IGF2BP3: variants seen among roughly 807,000 people sequenced by gnomAD.
The protein encoded by IGF2BP3 is insulin like growth factor 2 mRNA binding protein 3.
IGF2BP3 carries 9 observed loss-of-function variants against 73.8 expected under a neutral mutation model. The observed-to-expected ratio is 0.12, with a 90% CI of 0.07 to 0.21. The LOEUF (loss-of-function observed/expected upper bound fraction) is 0.21. IGF2BP3 is among the 10% of genes least tolerant of loss of function. The pLI is 1.00. For missense variants in IGF2BP3, 542 were observed against 714.0 expected, an observed-to-expected ratio of 0.76 and a Z score of 2.75; for synonymous variants, 258 against 256.7, an observed-to-expected ratio of 1.01 and a Z score of -0.05.
Position 23,313,639 on chromosome 7 carries a change from A to T in IGF2BP3, c.1410T>A (p.Ile470=), listed in dbSNP as rs775286736. The T allele has an allele frequency of 1.9e-6, 3 of 1,613,594 alleles. No homozygotes were observed. The Admixed American group carries it at 5.0e-5, about 27-fold the overall frequency. The part of the protein sequence containing the change: ...PEAQFKAQGR[I]YGKIKEENFV... ...AGTTTTCTTCTTTAATTTTTCCATAAATTCTTCCCTGAGCCTGCAGATGAA... is the reference window on the plus strand; with the variant it reads ...AGTTTTCTTCTTTAATTTTTCCATATATTCTTCCCTGAGCCTGCAGATGAA... The change falls in exon 13 of 15, where the codon ATT becomes ATA. Residue 470 remains isoleucine, a synonymous_variant. Coordinates refer to ENST00000258729, the MANE Select transcript of IGF2BP3 (RefSeq NM_006547.3).
chr7:23,402,887 A>G (rs914765333), intron 3 of IGF2BP3, among the ~76,000 whole-genome samples: 1 of 152,190 alleles, frequency 6.6e-6, no homozygotes, highest in African/African-American at 2.4e-5. Flanking sequence ...AGAAAGCTTC[A>G]CCCCTTAAGG....
chr7:23,463,314 A>G (rs1444284968), intron 2 of IGF2BP3, among the ~76,000 whole-genome samples: 1 of 152,246 alleles, frequency 6.6e-6, no homozygotes, highest in Admixed American at 6.5e-5. Flanking sequence ...TCCCAATCCT[A>G]TAACCACACA....
chr7:23,384,256 T>C lies in IGF2BP3; in HGVS notation c.286-22515A>G, dbSNP rs62468244. ...CACAGAATAGGGAAATATAGAAAGATTAGCAGATGCTTAGGACTAAGTGGG... is the reference window on the plus strand; with the variant it reads ...CACAGAATAGGGAAATATAGAAAGACTAGCAGATGCTTAGGACTAAGTGGG... On this transcript the variant is annotated intron_variant, in intron 3 of 14. Coordinates refer to ENST00000258729, the MANE Select transcript of IGF2BP3 (RefSeq NM_006547.3). Among the ~76,000 whole-genome samples, 1,046 of 152,160 alleles carry C rather than the reference T, an allele frequency of 6.9e-3. 2 individuals are homozygous for C. Among genetic ancestry groups the C allele is most frequent in the Non-Finnish European group, 0.011 (744 of 67,994 alleles).
At chr7:23,435,473 A>G (rs1248391699) in intron 2 of IGF2BP3, among the ~76,000 whole-genome samples, 1 of 150,192 alleles carries the variant, frequency 6.7e-6, no homozygotes, top group Non-Finnish European at 1.5e-5. Flanking sequence ...CTTTTCTTTG[A>G]GACGGAGTCT....
At chr7:23,379,934 T>G (rs1785853700) in intron 3 of IGF2BP3, among the ~76,000 whole-genome samples, 1 of 152,152 alleles carries the variant, frequency 6.6e-6, no homozygotes, top group African/African-American at 2.4e-5. Flanking sequence ...CTTACACAGG[T>G]GCACTTGAGA....
chr7:23,405,361 T>C (rs1183175598), intron 3 of IGF2BP3, among the ~76,000 whole-genome samples: 1 of 152,202 alleles, frequency 6.6e-6, no homozygotes. Flanking sequence ...AAAGTAAAGA[T>C]AACAGACAGA....
At chr7:23,320,678 T>G (rs529452901) in intron 10 of IGF2BP3, among the ~76,000 whole-genome samples, 1 of 138,180 alleles carries the variant, frequency 7.2e-6, no homozygotes, top group African/African-American at 2.7e-5. Context: ...CCAGGCACAG[T>G]AGTTCATGCC....
chr7:23,381,760 G>C (rs926928932), intron 3 of IGF2BP3, among the ~76,000 whole-genome samples: 1 of 151,916 alleles, frequency 6.6e-6, no homozygotes, highest in Non-Finnish European at 1.5e-5. Flanking sequence ...GTAGAGATGG[G>C]GTTTTGCCAT....
rs1159715253 is a variant in IGF2BP3, at chr7:23,310,382, G to A, written c.*1980C>T. On this transcript the variant is annotated 3_prime_UTR_variant, in exon 15 of 15. Transcript: ENST00000258729. ...CCAAATTACAAATGCTTAAGTAAAA[G>A]TAAAATATGATTTGCCATACTAAAA... 6.6e-6 allele frequency: 1 copy of A among 152,038 alleles called. No individual in the cohort carries two copies. The highest frequency in any genetic ancestry group is 2.4e-5 in the African/African-American group (1 of 41,432). 9.4% of individuals were successfully genotyped at this position (152,038 alleles called of 1,614,324 possible). A position where few individuals can be genotyped will look rare whatever the true frequency, so the allele number is the denominator to read the frequency against.
chr7:23,425,851 C>G (rs1207814361), intron 2 of IGF2BP3, among the ~76,000 whole-genome samples: 1 of 152,054 alleles, frequency 6.6e-6, no homozygotes, highest in South Asian at 2.1e-4. Flanking sequence ...GTAGTCCCAG[C>G]TACTCGGGAG....
At chr7:23,390,800 CTTT>C (rs1162886168) in intron 3 of IGF2BP3, among the ~76,000 whole-genome samples, 7 of 135,412 alleles carry the variant, frequency 5.2e-5, no homozygotes, top group Non-Finnish European at 4.8e-5. Flanking sequence ...TTATTGTTGC[CTTT>C]TTTTTTTTTT....
chr7:23,424,023 C>A (rs374045467), intron 2 of IGF2BP3, among the ~76,000 whole-genome samples: 1 of 152,114 alleles, frequency 6.6e-6, no homozygotes, highest in Admixed American at 6.6e-5. Flanking sequence ...GAGGCTGAGG[C>A]AGCAGAATTG....
At chr7:23,380,321 C>G (rs965046825) in intron 3 of IGF2BP3, among the ~76,000 whole-genome samples, 2 of 151,940 alleles carry the variant, frequency 1.3e-5, no homozygotes, top group African/African-American at 2.4e-5. Flanking sequence ...TGCCACCGTG[C>G]CCAGCTAATT....
chr7:23,445,698 G>C (rs1023980555), intron 2 of IGF2BP3, among the ~76,000 whole-genome samples: 1 of 152,152 alleles, frequency 6.6e-6, no homozygotes, highest in Non-Finnish European at 1.5e-5. Context: ...AAATGCCAGA[G>C]ACTGGGGAAA....
chr7:23,312,069 C>T lies in IGF2BP3; in HGVS notation c.*293G>A, dbSNP rs1783845683. ...AAGAAGAATTAGAATATCTGTTATA[C>T]TGTGAGACTACAACAAAGGGAAGTG... On this transcript the variant is annotated 3_prime_UTR_variant, in exon 15 of 15. Transcript: ENST00000258729. 5.6e-6 allele frequency: 2 copies of T among 359,246 alleles called. No homozygotes were observed. Among genetic ancestry groups the T allele is most frequent in the Non-Finnish European group, 1.0e-5 (2 of 198,920 alleles). The allele number at this position is 359,246 out of a possible 1,614,324, so 22.3% of individuals were successfully genotyped here.
intron 3 of IGF2BP3, among the ~76,000 whole-genome samples, chr7:23,403,086 A>T (rs1233361728): frequency 1.3e-5 from 2 of 152,252 alleles, no homozygotes; most frequent in African/African-American, 2.4e-5. Flanking sequence ...GGGGAAACCC[A>T]TTTATCTGAC....
chr7:23,312,402 T>C lies in IGF2BP3; in HGVS notation c.1700A>G (p.Lys567Arg). The C allele has an allele frequency of 6.2e-7, 1 of 1,613,700 alleles. No homozygotes were observed. Among genetic ancestry groups the C allele is most frequent in the Non-Finnish European group, 8.5e-7 (1 of 1,179,984 alleles). Residue 567 changes from lysine (K) to arginine (R), a missense_variant, in exon 15 of 15, where the codon AAG becomes AGG. By Grantham distance (26) the Lys-to-Arg change is conservative. Around this residue, in one of 2 missense-constraint regions of IGF2BP3, gnomAD observed 303 missense variants for 472.1 expected, o/e 0.64. Coordinates refer to ENST00000258729, the MANE Select transcript of IGF2BP3 (RefSeq NM_006547.3). The stretch of plus-strand genomic sequence containing the variant: ...CTGAGGTGGTCCACTTTGCAGAGCC[T>C]TCTGTTGTTGGTGCTGCTTTACCTG... ...LTQVKQHQQQ[K>R]ALQSGPPQSR...
At chr7:23,450,028 T>C (rs1339652284) in intron 2 of IGF2BP3, among the ~76,000 whole-genome samples, 1 of 152,216 alleles carries the variant, frequency 6.6e-6, no homozygotes, top group African/African-American at 2.4e-5. Flanking sequence ...TTTGCACTGG[T>C]AGAGCAAAGG....
intron 2 of IGF2BP3, among the ~76,000 whole-genome samples, chr7:23,453,387 C>T (rs183128477): frequency 1.4e-4 from 21 of 152,288 alleles, no homozygotes; most frequent in South Asian, 6.2e-4. Flanking sequence ...GAAAAGTAGA[C>T]AACAGTGTTA....
Sources: allele counts gnomAD v4.1 joint callset (sites outside exome capture counted in the v4.1 genomes callset), GRCh38; gene constraint gnomAD v4.1.1; regional missense constraint gnomAD v4.1.1; transcripts MANE v1.5; gene names NCBI Gene and HGNC (gene_info 2026-07-23, HGNC 2026-07-21).